HYCC1: variants seen among roughly 807,000 people sequenced by gnomAD.
The protein encoded by HYCC1 is hyccin PI4KA lipid kinase complex subunit 1.
chr7:22,904,709 C>T, the HYCC1 span, among the ~76,000 whole-genome samples: 6 of 151,402 alleles, frequency 4.0e-5, no homozygotes, highest in South Asian at 2.1e-4. Flanking sequence ...TTTGGGAGGT[C>T]GAGGTGGGCA....
chr7:22,949,566 C>T, the HYCC1 span, among the ~76,000 whole-genome samples: 1 of 151,756 alleles, frequency 6.6e-6, no homozygotes, highest in Non-Finnish European at 1.5e-5. Flanking sequence ...AGTAATAATT[C>T]TTGAGTTTAG....
chr7:22,946,372 A>G, the HYCC1 span, among the ~76,000 whole-genome samples: 1 of 152,110 alleles, frequency 6.6e-6, no homozygotes, highest in South Asian at 2.1e-4. Flanking sequence ...AGTAATTTAT[A>G]GTGTATTAAA....
the HYCC1 span, among the ~76,000 whole-genome samples, chr7:22,979,504 G>C: frequency 6.6e-6 from 1 of 152,172 alleles, no homozygotes; most frequent in African/African-American, 2.4e-5. Flanking sequence ...AAAGTTTTTA[G>C]CGTAGGAATT....
the HYCC1 span, among the ~76,000 whole-genome samples, chr7:22,914,672 C>T: frequency 1.6e-3 from 240 of 152,236 alleles, 1 homozygote; most frequent in Middle Eastern, 3.4e-3. Flanking sequence ...CAATGCAACT[C>T]GTCCCAAATC....
chr7:22,985,384 A>T, the HYCC1 span, among the ~76,000 whole-genome samples: 1 of 152,210 alleles, frequency 6.6e-6, no homozygotes, highest in Non-Finnish European at 1.5e-5. Context: ...AGGCCCTCAT[A>T]CGCAAATCTT....
chr7:22,960,016 T>A, the HYCC1 span, among the ~76,000 whole-genome samples: 1 of 152,186 alleles, frequency 6.6e-6, no homozygotes, highest in African/African-American at 2.4e-5. Flanking sequence ...CCTACTGAAG[T>A]AACAATTTCA....
chr7:22,928,167 G>T, the HYCC1 span, among the ~76,000 whole-genome samples: 7 of 152,078 alleles, frequency 4.6e-5, no homozygotes, highest in African/African-American at 1.7e-4. Flanking sequence ...AATAAATTAG[G>T]TATTGATGGG....
At chr7:22,960,866 A>G in the HYCC1 span, among the ~76,000 whole-genome samples, 1 of 152,120 alleles carries the variant, frequency 6.6e-6, no homozygotes, top group African/African-American at 2.4e-5. Context: ...CCTGACCAAC[A>G]TGAATAAATC....
the HYCC1 span, among the ~76,000 whole-genome samples, chr7:23,004,838 C>A: frequency 6.6e-6 from 1 of 152,180 alleles, no homozygotes; most frequent in Admixed American, 6.5e-5. Context: ...GGGAGTCTCA[C>A]TGTGTCGCTC....
the HYCC1 span, chr7:22,978,580 G>A: frequency 1.3e-6 from 1 of 752,392 alleles, no homozygotes; most frequent in African/African-American, 1.8e-5. Flanking sequence ...CTAAGTTGTA[G>A]GGAGTTTCTT....
At chr7:22,959,168 T>C in the HYCC1 span, among the ~76,000 whole-genome samples, 1 of 152,200 alleles carries the variant, frequency 6.6e-6, no homozygotes, top group African/African-American at 2.4e-5. Context: ...TACTTTCCTA[T>C]GGAACTTTCA....
chr7:22,994,977 TTTACAGTC>T, the HYCC1 span, among the ~76,000 whole-genome samples: 1 of 152,244 alleles, frequency 6.6e-6, no homozygotes, highest in East Asian at 1.9e-4. Context: ...TCCTCTGGAA[TTTACAGTC>T]TATTACCAGC....
chr7:22,998,008 T>G, the HYCC1 span, among the ~76,000 whole-genome samples: 1 of 149,808 alleles, frequency 6.7e-6, no homozygotes, highest in African/African-American at 2.6e-5. Context: ...AGAAGTTCTT[T>G]CTTCTCATTT....
At chr7:22,999,913 G>T in the HYCC1 span, among the ~76,000 whole-genome samples, 6 of 151,744 alleles carry the variant, frequency 4.0e-5, no homozygotes, top group African/African-American at 1.5e-4. Flanking sequence ...TAATTGCAAG[G>T]GCCATCATGA....
chr7:22,903,679 A>G, the HYCC1 span, among the ~76,000 whole-genome samples: 2 of 152,360 alleles, frequency 1.3e-5, no homozygotes, highest in South Asian at 4.1e-4. Flanking sequence ...CAGAAAATAA[A>G]GCAGGAGGAA....
At chr7:22,962,805 C>T in the HYCC1 span, among the ~76,000 whole-genome samples, 432 of 143,736 alleles carry the variant, frequency 3.0e-3, 3 homozygotes, top group African/African-American at 0.011. Context: ...GGCTAGTGCA[C>T]ACCCAGAACC....
At chr7:22,968,112 T>C in the HYCC1 span, among the ~76,000 whole-genome samples, 1 of 152,228 alleles carries the variant, frequency 6.6e-6, no homozygotes, top group East Asian at 1.9e-4. Context: ...ATTCCCTTCC[T>C]TTCCCCCAGC....
At chr7:22,944,457 CTAAGA>C in the HYCC1 span, 4 of 152,066 alleles carry the variant, frequency 2.6e-5, no homozygotes, top group Non-Finnish European at 4.4e-5. Context: ...TGATATCATA[CTAAGA>C]TATTTAAAAC....
At chr7:22,971,104 T>A in the HYCC1 span, among the ~76,000 whole-genome samples, 1 of 151,734 alleles carries the variant, frequency 6.6e-6, no homozygotes. Flanking sequence ...GTGAGAGACA[T>A]GTGTGTTATT....
Sources: allele counts gnomAD v4.1 joint callset (sites outside exome capture counted in the v4.1 genomes callset), GRCh38; gene constraint gnomAD v4.1.1; transcripts MANE v1.5; gene names NCBI Gene and HGNC (gene_info 2026-07-23, HGNC 2026-07-21).